Variants in SUSD1 observed in about 807,000 individuals in gnomAD.
The protein encoded by SUSD1 is sushi domain containing 1, also known as sushi domain-containing protein 1.
In SUSD1, 65 loss-of-function variants were observed where a neutral mutation model predicts 86.9. The ratio of observed to expected loss-of-function variants is 0.75; its 90% confidence interval spans 0.61 to 0.92. The LOEUF is 0.92. SUSD1 is among the 40% of genes least tolerant of loss of function. The pLI, the probability that SUSD1 is intolerant of heterozygous loss-of-function variation, is 0.00. For synonymous variants in SUSD1, 346 were observed against 350.0 expected (o/e 0.99, Z 0.13); for missense variants, 850 against 929.7 (o/e 0.91, Z 1.11).
chr9:112,156,253 G>A (rs1002135986), intron 2 of SUSD1, among the ~76,000 whole-genome samples: 1 of 152,030 alleles, frequency 6.6e-6, no homozygotes, highest in African/African-American at 2.4e-5. Context: ...CACGAGGTCA[G>A]GAGTTCGAGA....
chr9:112,043,403 G>A (rs535460925), intron 15 of SUSD1, among the ~76,000 whole-genome samples: 1 of 152,252 alleles, frequency 6.6e-6, no homozygotes, highest in Admixed American at 6.5e-5. Context: ...CAAGAGGACA[G>A]CTTCGACTCT....
At chr9:112,082,520 G>A (rs751883945) in intron 10 of SUSD1, among the ~76,000 whole-genome samples, 5 of 152,048 alleles carry the variant, frequency 3.3e-5, no homozygotes, top group East Asian at 1.9e-4. Flanking sequence ...TAAATATGGC[G>A]GATGGAGCCA....
chr9:112,042,932 C>T (rs1001049283), intron 15 of SUSD1, among the ~76,000 whole-genome samples: 6 of 103,974 alleles, frequency 5.8e-5, no homozygotes, highest in East Asian at 3.6e-4. Context: ...AACTTGAAAC[C>T]GCCTTTTTAA....
chr9:112,154,335 CAA>C (rs887833151), intron 2 of SUSD1, among the ~76,000 whole-genome samples: 8 of 70,398 alleles, frequency 1.1e-4, no homozygotes, highest in African/African-American at 1.2e-4. Context: ...CACACACACA[CAA>C]AAAAAAAAAA....
chr9:112,155,178 G>A (rs1270084793), intron 2 of SUSD1, among the ~76,000 whole-genome samples: 1 of 151,870 alleles, frequency 6.6e-6, no homozygotes, highest in African/African-American at 2.4e-5. Flanking sequence ...TTGAACCCAG[G>A]AGGCAGAGGT....
chr9:112,077,891 A>G (rs923621833), intron 12 of SUSD1, among the ~76,000 whole-genome samples: 1 of 152,168 alleles, frequency 6.6e-6, no homozygotes, highest in Non-Finnish European at 1.5e-5. Context: ...GTTTAAGTAT[A>G]AAGTATTTTA....
chr9:112,124,406 C>A lies in SUSD1; in HGVS notation c.737G>T (p.Arg246Leu). The change falls in exon 6 of 17, where the codon CGG (arginine) becomes CTG (leucine). Residue 246 changes from arginine to leucine, a missense_variant. Arg to Leu is a moderately radical substitution (Grantham distance 102). Coordinates refer to ENST00000374270, the MANE Select transcript of SUSD1 (RefSeq NM_022486.5). Reference protein sequence around the residue: ...EINCGNPPEMRHAILVGNHSS... With the variant: ...EINCGNPPEMLHAILVGNHSS... ...GTGATTTCCTACCAAGATGGCGTGC[C>A]GCATTTCTGGAGGGTTGCCACAGTT... 6.2e-7 allele frequency: 1 copy of A among 1,614,030 alleles called. No individual in the cohort carries two copies. The highest frequency in any genetic ancestry group is 1.1e-5 in the South Asian group (1 of 91,048).
chr9:112,070,757 C>G (rs1829232982), intron 12 of SUSD1, among the ~76,000 whole-genome samples: 1 of 151,972 alleles, frequency 6.6e-6, no homozygotes, highest in African/African-American at 2.4e-5. Flanking sequence ...AAAATTACAG[C>G]AATTGAAATA....
rs1412005500 is a variant in SUSD1, at chr9:112,060,529, C to A, written c.1851-1843G>T. Reference sequence around the variant, plus strand: ...CTGGGGGAAGTTGTTGCACGTATCACTGCCCTGTGTGCCCACCTCTGCCTC... The same window carrying A: ...CTGGGGGAAGTTGTTGCACGTATCAATGCCCTGTGTGCCCACCTCTGCCTC... On this transcript the variant is annotated intron_variant, in intron 13 of 16. Transcript: ENST00000374270. 2.6e-5 allele frequency among the ~76,000 whole-genome samples: 4 copies of A among 152,232 alleles called. No homozygotes were observed. In the East Asian group the frequency reaches 5.8e-4, roughly 22 times the overall value.
chr9:112,058,024 G>GC lies in SUSD1; in HGVS notation c.2109+403dup, dbSNP rs574689594. Among the ~76,000 whole-genome samples the GC allele has an allele frequency of 3.9e-3, 596 of 152,326 alleles. 3 individuals are homozygous for GC. The highest frequency in any genetic ancestry group is 6.2e-3 in the Non-Finnish European group (419 of 68,020). On this transcript the variant is annotated intron_variant, in intron 14 of 16. Coordinates refer to ENST00000374270, the MANE Select transcript of SUSD1 (RefSeq NM_022486.5). ...TGCCATAGCTGCGGAAGGGATGTAA[G>GC]CAAAAAACAGCCGAGTGCTGTGCTT...
chr9:112,088,614 C>T lies in SUSD1; in HGVS notation c.1475-8449G>A, dbSNP rs75920646. On this transcript the variant is annotated intron_variant, in intron 10 of 16. Transcript: ENST00000374270. ...CTAGCCTGGGCAATATAGGGAGAAC[C>T]TGTCTCCACTAAAATAGAAAATGAA... 1.4e-3 allele frequency among the ~76,000 whole-genome samples: 213 copies of T among 152,136 alleles called. 1 individual carries two copies. The highest frequency in any genetic ancestry group is 4.9e-3 in the African/African-American group (202 of 41,508).
At chr9:112,085,417 G>C (rs1460651571) in intron 10 of SUSD1, among the ~76,000 whole-genome samples, 1 of 152,166 alleles carries the variant, frequency 6.6e-6, no homozygotes, top group Non-Finnish European at 1.5e-5. Flanking sequence ...TTCACAACAA[G>C]CCCACGATAT....
At chr9:112,104,804 CTT>C (rs1830768691) in intron 8 of SUSD1, 1 of 152,038 alleles carries the variant, frequency 6.6e-6, no homozygotes, top group African/African-American at 2.4e-5. Context: ...CTAGACAGAA[CTT>C]TTATCTTCCA....
At chr9:112,112,669 G>C in intron 7 of SUSD1, 102 bp downstream of exon 7, 1 of 730,908 alleles carries the variant, frequency 1.4e-6, no homozygotes. Flanking sequence ...AAAAAAAACA[G>C]CAATTAGATT....
At chr9:112,104,905 G>T (rs1020555878) in intron 8 of SUSD1, 1 of 152,064 alleles carries the variant, frequency 6.6e-6, no homozygotes, top group African/African-American at 2.4e-5. Context: ...TGCTCGGCAG[G>T]CAAAGAATGA....
intron 14 of SUSD1, among the ~76,000 whole-genome samples, chr9:112,055,037 T>C (rs576488882): frequency 6.6e-6 from 1 of 152,324 alleles, no homozygotes; most frequent in East Asian, 1.9e-4. Context: ...TAAATAGACA[T>C]TTCTCTAAAG....
intron 5 of SUSD1, among the ~76,000 whole-genome samples, chr9:112,130,025 T>C (rs1831947081): frequency 6.6e-6 from 1 of 152,132 alleles, no homozygotes; most frequent in Non-Finnish European, 1.5e-5. Flanking sequence ...AAAACCAGTA[T>C]TAATCTTGTG....
At position 112,062,923 on chromosome 9, in the gene SUSD1, G is replaced by A. The variant is rs1589596510; in HGVS notation, c.1850+14C>T. 1 of 1,567,224 alleles carries A rather than the reference G, an allele frequency of 6.4e-7. No homozygotes were observed. The highest frequency in any genetic ancestry group is 1.1e-5 in the South Asian group (1 of 89,632). On this transcript the variant is annotated intron_variant, in intron 13 of 16. Transcript: ENST00000374270. ...GGATCACTGGGCAACCGTGGAGAAA[G>A]GACAGCTACTGACCTGATTGGTCCA...
In SUSD1 at chr9:112,112,779, A is replaced by T; in HGVS notation, c.976T>A (p.Ser326Thr). Residue 326 changes from serine to threonine, a missense_variant, in exon 7 of 17, where the codon TCA becomes ACA. By Grantham distance (58) the Ser-to-Thr change is moderately conservative. Coordinates refer to ENST00000374270, the MANE Select transcript of SUSD1 (RefSeq NM_022486.5). ...INSRRINPKI[S>T]YVISIKGQRL... ...TAGATCACTTTACTTACCACATATG[A>T]GATCTTGGGGTTTATTCTTCTTGAG... 1 of 1,609,372 alleles carries T rather than the reference A, an allele frequency of 6.2e-7. No homozygotes were observed. Among genetic ancestry groups the T allele is most frequent in the Non-Finnish European group, 8.5e-7 (1 of 1,175,692 alleles).
Sources: gnomAD v4.1 joint callset for allele counts (sites outside exome capture counted in the v4.1 genomes callset) on GRCh38, gnomAD v4.1.1 for gene constraint, MANE v1.5 for transcripts, NCBI Gene and HGNC (gene_info 2026-07-23, HGNC 2026-07-21) for gene names.